Variants in PGGT1B observed in about 807,000 individuals in gnomAD.
PGGT1B encodes protein geranylgeranyltransferase type I subunit beta.
In PGGT1B, 30 loss-of-function variants were observed where a neutral mutation model predicts 46.1. The observed-to-expected ratio is 0.65, with a 90% CI of 0.49 to 0.88. The LOEUF (loss-of-function observed/expected upper bound fraction) is 0.88. Ranked by LOEUF, PGGT1B falls within the 40% of genes least tolerant of loss-of-function variation. The pLI is 0.00. For synonymous variants in PGGT1B, 170 were observed against 160.0 expected, an observed-to-expected ratio of 1.06 and a Z score of -0.47; for missense variants, 376 against 455.9, an observed-to-expected ratio of 0.82 and a Z score of 1.60.
At chr5:115,217,886 A>G (rs914599170) in intron 7 of PGGT1B, among the ~76,000 whole-genome samples, 1 of 152,016 alleles carries the variant, frequency 6.6e-6, no homozygotes, top group Non-Finnish European at 1.5e-5. Context: ...AAAATGAAAA[A>G]ATTATAATAG....
chr5:115,226,883 C>T (rs1340815435), intron 6 of PGGT1B, among the ~76,000 whole-genome samples: 6 of 151,862 alleles, frequency 4.0e-5, no homozygotes, highest in African/African-American at 9.7e-5. Context: ...GACACTTGAA[C>T]CCCTGGAAAC....
At chr5:115,214,518 A>T (rs1756349297) in intron 8 of PGGT1B, among the ~76,000 whole-genome samples, 1 of 152,208 alleles carries the variant, frequency 6.6e-6, no homozygotes. Flanking sequence ...CTTAATTTTA[A>T]AGAATCTTGT....
At chr5:115,221,542 A>G (rs1431631457) in intron 7 of PGGT1B, among the ~76,000 whole-genome samples, 1 of 152,058 alleles carries the variant, frequency 6.6e-6, no homozygotes, top group Non-Finnish European at 1.5e-5. Flanking sequence ...TATACCCACA[A>G]GAAAGTAAGT....
intron 7 of PGGT1B, among the ~76,000 whole-genome samples, chr5:115,220,674 T>TGTGATACAATAGGAAATATAC: frequency 6.6e-6 from 1 of 152,084 alleles, no homozygotes; most frequent in East Asian, 1.9e-4. Context: ...TGCCTCTTGA[T>TGTGATACAATAGGAAATATAC]GTGATACAAT....
chr5:115,230,465 G>C (rs1756941867), intron 6 of PGGT1B, among the ~76,000 whole-genome samples: 1 of 152,044 alleles, frequency 6.6e-6, no homozygotes, highest in Non-Finnish European at 1.5e-5. Flanking sequence ...CATTATTCTA[G>C]TTCTGCCAAA....
chr5:115,213,287 G>A (rs1467835047), intron 8 of PGGT1B, among the ~76,000 whole-genome samples: 1 of 152,126 alleles, frequency 6.6e-6, no homozygotes, highest in Non-Finnish European at 1.5e-5. Flanking sequence ...CATCTTTCAG[G>A]GGGCAGCGAT....
intron 7 of PGGT1B, among the ~76,000 whole-genome samples, chr5:115,219,745 A>G (rs1051976305): frequency 6.6e-6 from 1 of 152,004 alleles, no homozygotes; most frequent in South Asian, 2.1e-4. Context: ...ACTTTATAAC[A>G]AAAGAAACCA....
intron 2 of PGGT1B, among the ~76,000 whole-genome samples, chr5:115,245,299 A>G (rs1442432782): frequency 1.3e-5 from 2 of 152,246 alleles, no homozygotes; most frequent in African/African-American, 4.8e-5. Flanking sequence ...TCAGTAAATG[A>G]CATTTCTGTT....
chr5:115,255,528 T>C (rs374645672), intron 1 of PGGT1B, among the ~76,000 whole-genome samples: 3 of 152,150 alleles, frequency 2.0e-5, no homozygotes, highest in East Asian at 1.9e-4. Flanking sequence ...TATAGTCAGG[T>C]ACAATTAAGC....
intron 1 of PGGT1B, 81 bp from the exon 2 acceptor site, chr5:115,253,336 A>T: frequency 8.8e-7 from 1 of 1,135,306 alleles, no homozygotes; most frequent in Middle Eastern, 2.7e-4. Context: ...AAAAATAATA[A>T]AATCATTCTA....
intron 2 of PGGT1B, 175 bp downstream of exon 2, chr5:115,252,962 T>C (rs1357272637): frequency 1.6e-5 from 9 of 563,824 alleles, no homozygotes; most frequent in African/African-American, 4.0e-5. Flanking sequence ...CTTGAGATTA[T>C]GATCAGATTT....
chr5:115,215,019 G>C (rs762611994), intron 8 of PGGT1B, among the ~76,000 whole-genome samples: 8 of 152,206 alleles, frequency 5.3e-5, no homozygotes, highest in Non-Finnish European at 1.2e-4. Context: ...GATTGATTGA[G>C]ACAGAGTCTC....
intron 1 of PGGT1B, among the ~76,000 whole-genome samples, chr5:115,254,337 C>G (rs1472534653): frequency 6.6e-6 from 1 of 151,866 alleles, no homozygotes; most frequent in East Asian, 1.9e-4. Flanking sequence ...AGATGATACC[C>G]CACTGGGACA....
intron 3 of PGGT1B, among the ~76,000 whole-genome samples, chr5:115,240,424 A>C (rs985093318): frequency 2.6e-5 from 4 of 152,220 alleles, no homozygotes; most frequent in African/African-American, 9.6e-5. Context: ...TATTCTGTTC[A>C]TTATGACTAA....
chr5:115,250,556 A>T (rs1446293550), intron 2 of PGGT1B, among the ~76,000 whole-genome samples: 1 of 152,222 alleles, frequency 6.6e-6, no homozygotes, highest in Non-Finnish European at 1.5e-5. Context: ...GTTTCAAACC[A>T]GTGAAGTCCA....
intron 7 of PGGT1B, among the ~76,000 whole-genome samples, chr5:115,219,018 TCACTACTA>T (rs938590707): frequency 2.6e-5 from 4 of 151,948 alleles, no homozygotes; most frequent in Admixed American, 2.0e-4. Context: ...TGTCAAGATA[TCACTACTA>T]CCCAAAGGGA....
intron 5 of PGGT1B, among the ~76,000 whole-genome samples, chr5:115,234,100 G>A (rs1757091233): frequency 3.3e-5 from 5 of 149,872 alleles, no homozygotes; most frequent in Admixed American, 2.7e-4. Flanking sequence ...AATATAATAG[G>A]AAACTATAAG....
intron 6 of PGGT1B, among the ~76,000 whole-genome samples, chr5:115,228,479 T>G (rs1389385846): frequency 6.6e-6 from 1 of 152,172 alleles, no homozygotes; most frequent in Non-Finnish European, 1.5e-5. Context: ...GATGTGTATG[T>G]GCAGTTGGTT....
chr5:115,224,832 T>TAA (rs1454975118), intron 6 of PGGT1B, among the ~76,000 whole-genome samples: 1 of 115,318 alleles, frequency 8.7e-6, no homozygotes, highest in African/African-American at 3.8e-5. Flanking sequence ...AGACTATGTC[T>TAA]CAAAAAAAAA....
Sources: gnomAD v4.1 joint callset for allele counts (sites outside exome capture counted in the v4.1 genomes callset) on GRCh38, gnomAD v4.1.1 for gene constraint, MANE v1.5 for transcripts, NCBI Gene and HGNC (gene_info 2026-07-23, HGNC 2026-07-21) for gene names.